Variants in SMIM21 observed in about 807,000 individuals in gnomAD.
SMIM21 encodes the protein small integral membrane protein 21, also known as chromosome 18 open reading frame 62.
In SMIM21, 8 loss-of-function variants were observed where a neutral mutation model predicts 8.6. That is an observed-to-expected ratio of 0.93 (90% CI 0.55 to 1.68). The LOEUF (loss-of-function observed/expected upper bound fraction) is 1.68. Ranked by LOEUF, SMIM21 falls within the 40% of genes most tolerant of loss-of-function variation. The pLI is 0.00. For synonymous variants in SMIM21, 43 were observed against 41.7 expected (o/e 1.03, Z -0.12); for missense variants, 132 against 123.0 (o/e 1.07, Z -0.35).
intron 2 of SMIM21, chr18:75,417,062 A>T (rs2024654124): frequency 2.0e-5 from 3 of 152,310 alleles, no homozygotes; most frequent in Admixed American, 2.0e-4. Context: ...AGGTAATAAA[A>T]TCCCTGTTAA....
rs556320454 is a variant in SMIM21 at position 75,427,568 on chromosome 18, G to T, written c.-5C>A. 2 of 1,595,130 alleles carry T rather than the reference G, an allele frequency of 1.3e-6. No individual in the cohort carries two copies. Among genetic ancestry groups the T allele is most frequent in the Non-Finnish European group, 1.7e-6 (2 of 1,169,768 alleles). On this transcript the variant is annotated 5_prime_UTR_variant, in exon 1 of 3. Coordinates refer to ENST00000579022, the MANE Select transcript of SMIM21 (RefSeq NM_001037331.3). ...TGTGGACACATACTGGTCCATGTGG[G>T]GGCTGCGGCGGTGACCAGTGAGAGG...
intron 1 of SMIM21, among the ~76,000 whole-genome samples, chr18:75,423,698 C>T (rs191737733): frequency 6.6e-6 from 1 of 152,200 alleles, no homozygotes; most frequent in East Asian, 1.9e-4. Context: ...AAATATGGAG[C>T]CAATAGCACT....
chr18:75,412,962 C>T (rs2024599285), intron 2 of SMIM21, among the ~76,000 whole-genome samples: 1 of 152,140 alleles, frequency 6.6e-6, no homozygotes, highest in African/African-American at 2.4e-5. Flanking sequence ...TGCAGTCTCA[C>T]CTTTGGGTCT....
At chr18:75,416,811 G>C (rs942142936) in intron 2 of SMIM21, 2 of 151,832 alleles carry the variant, frequency 1.3e-5, no homozygotes, top group Admixed American at 6.6e-5. Context: ...TGTCTGTGCT[G>C]CTTTTTTTGT....
At chr18:75,415,481 C>T (rs1026714170) in intron 2 of SMIM21, among the ~76,000 whole-genome samples, 1 of 152,190 alleles carries the variant, frequency 6.6e-6, no homozygotes, top group Non-Finnish European at 1.5e-5. Flanking sequence ...ACAACATCTG[C>T]GGTCCTGGGG....
intron 1 of SMIM21, among the ~76,000 whole-genome samples, chr18:75,426,555 CGCCTCG>C (rs2024764459): frequency 6.8e-6 from 1 of 146,050 alleles, no homozygotes; most frequent in African/African-American, 2.5e-5. Flanking sequence ...GTGATCTCCT[CGCCTCG>C]GCCTCCCAAA....
In SMIM21 at chr18:75,410,625, C is replaced by T. The variant is rs2024573377; in HGVS notation, c.*239G>A. 7.3e-6 allele frequency: 8 copies of T among 1,098,160 alleles called. No homozygotes were observed. The South Asian group carries it at 1.8e-4, about 25-fold the overall frequency. The allele number at this position is 1,098,160 out of a possible 1,614,324, so 68.0% of individuals were successfully genotyped here. On this transcript the variant is annotated 3_prime_UTR_variant, in exon 3 of 3. Transcript: ENST00000579022. ...GGGCAGATTTCGCAGGGTTGGGTGG[C>T]ATCTGCAGCTCTCCTCCGGAATATT...
chr18:75,424,590 G>C (rs933517018), intron 1 of SMIM21, among the ~76,000 whole-genome samples: 3 of 152,112 alleles, frequency 2.0e-5, no homozygotes, highest in Admixed American at 6.5e-5. Context: ...CTGTCTGCCT[G>C]ATGCCTGTAT....
chr18:75,427,297 C>T lies in SMIM21; in HGVS notation c.129+138G>A. On this transcript the variant is annotated intron_variant, in intron 1 of 2. Coordinates refer to ENST00000579022, the MANE Select transcript of SMIM21 (RefSeq NM_001037331.3). ...AAGAAAGAGCTCTGGATTGACGTCT[C>T]ATCTTAAACTTCGTAGAATCTGGAT... 5.8e-6 allele frequency: 6 copies of T among 1,041,034 alleles called. No individual in the cohort carries two copies. The South Asian group carries it at 9.6e-5, about 17-fold the overall frequency. The allele number at this position is 1,041,034 out of a possible 1,614,324, so 64.5% of individuals were successfully genotyped here. A position where few individuals can be genotyped will look rare whatever the true frequency, so the allele number is the denominator to read the frequency against.
intron 2 of SMIM21, among the ~76,000 whole-genome samples, chr18:75,414,448 T>TGA (rs532932965): frequency 1.4e-3 from 215 of 152,136 alleles, no homozygotes; most frequent in Admixed American, 4.2e-3. Context: ...GGCTTCCTAC[T>TGA]TAAGAGGAAC....
intron 1 of SMIM21, among the ~76,000 whole-genome samples, chr18:75,423,963 T>A (rs1337965845): frequency 6.6e-6 from 1 of 152,274 alleles, no homozygotes; most frequent in African/African-American, 2.4e-5. Flanking sequence ...AGTTGTTGTC[T>A]ATAACTGTTT....
At position 75,427,465 on chromosome 18, in the gene SMIM21, C is replaced by T; in HGVS notation, c.99G>A (p.Gly33=). Residue 33 remains glycine, a synonymous_variant, in exon 1 of 3, where the codon GGG becomes GGA. Coordinates refer to ENST00000579022, the MANE Select transcript of SMIM21 (RefSeq NM_001037331.3). ...DSAGMGRIFK[G]NLLQKKALTT... ...TAAGTGCTTTCTTCTGCAGCAAATTCCCCTTGAATATCCGTCCCATTCCTG... is the reference window on the plus strand; with the variant it reads ...TAAGTGCTTTCTTCTGCAGCAAATTTCCCTTGAATATCCGTCCCATTCCTG... The T allele has an allele frequency of 2.5e-6, 4 of 1,614,024 alleles. No individual in the cohort carries two copies. Among genetic ancestry groups the T allele is most frequent in the Non-Finnish European group, 3.4e-6 (4 of 1,179,954 alleles).
At chr18:75,419,024 T>C in intron 1 of SMIM21, 108 bp from the exon 2 acceptor site, 1 of 616,896 alleles carries the variant, frequency 1.6e-6, no homozygotes, top group Non-Finnish European at 2.7e-6. Flanking sequence ...TTAAAATAAA[T>C]AAGTTTATAT....
intron 2 of SMIM21, chr18:75,418,114 T>C: frequency 2.5e-6 from 1 of 398,486 alleles, no homozygotes; most frequent in Non-Finnish European, 4.4e-6. Flanking sequence ...GCTTTATTTT[T>C]ATTTTTATTT....
chr18:75,419,273 A>G (rs1357518989), intron 1 of SMIM21, among the ~76,000 whole-genome samples: 2 of 152,220 alleles, frequency 1.3e-5, no homozygotes, highest in African/African-American at 4.8e-5. Context: ...AAATACAATA[A>G]GTAAAAGCCC....
intron 2 of SMIM21, among the ~76,000 whole-genome samples, chr18:75,414,262 T>A (rs1433041640): frequency 6.6e-6 from 1 of 152,114 alleles, no homozygotes; most frequent in Non-Finnish European, 1.5e-5. Flanking sequence ...CCCAAGGAAA[T>A]GTAAAGAATG....
chr18:75,411,171 G>A (rs1022596559), intron 2 of SMIM21, among the ~76,000 whole-genome samples: 7 of 152,182 alleles, frequency 4.6e-5, no homozygotes, highest in Admixed American at 1.3e-4. Flanking sequence ...AGGCCACAAA[G>A]ACAGTAATGT....
chr18:75,414,075 TCACACACACA>T (rs74180809), intron 2 of SMIM21, among the ~76,000 whole-genome samples: 3 of 126,030 alleles, frequency 2.4e-5, no homozygotes, highest in Non-Finnish European at 5.3e-5. Context: ...TCTCTCTGTC[TCACACACACA>T]CACACACACA....
intron 2 of SMIM21, among the ~76,000 whole-genome samples, chr18:75,414,248 T>G (rs776664130): frequency 1.3e-5 from 2 of 152,190 alleles, no homozygotes; most frequent in Non-Finnish European, 2.9e-5. Flanking sequence ...AAATTTTTTT[T>G]GTCCCCAAGG....
Sources: allele counts gnomAD v4.1 joint callset (sites outside exome capture counted in the v4.1 genomes callset), GRCh38; gene constraint gnomAD v4.1.1; transcripts MANE v1.5; gene names NCBI Gene and HGNC (gene_info 2026-07-23, HGNC 2026-07-21).